The following PIP5K1B variants were observed in gnomAD, a reference collection of about 807,000 sequenced individuals.
The protein encoded by PIP5K1B is phosphatidylinositol-4-phosphate 5-kinase type 1 beta.
PIP5K1B carries 42 observed loss-of-function variants against 67.0 expected under a neutral mutation model. That is an observed-to-expected ratio of 0.63 (90% CI 0.49 to 0.81). The LOEUF (loss-of-function observed/expected upper bound fraction) is 0.81. Ranked by LOEUF, PIP5K1B falls within the 30% of genes least tolerant of loss-of-function variation. The probability of loss-of-function intolerance (pLI) is 0.00; values close to 1 mark genes in which losing one functional copy is unlikely to be tolerated. For missense variants in PIP5K1B, 459 were observed against 646.3 expected (o/e 0.71, Z 3.14); for synonymous variants, 214 against 231.4 (o/e 0.92, Z 0.68).
chr9:68,799,529 C>G (rs1306566133), intron 2 of PIP5K1B, among the ~76,000 whole-genome samples: 1 of 152,144 alleles, frequency 6.6e-6, no homozygotes, highest in Non-Finnish European at 1.5e-5. Context: ...GTATGGCACT[C>G]TCATAAAAAT....
chr9:68,826,185 A>C (rs549643257), intron 4 of PIP5K1B, among the ~76,000 whole-genome samples: 71 of 152,262 alleles, frequency 4.7e-4, no homozygotes, highest in Non-Finnish European at 9.3e-4. Context: ...CTGCCTGGCT[A>C]TATTTACAGA....
chr9:68,915,097 AGCACCCTATAT>A (rs753244831), intron 8 of PIP5K1B, among the ~76,000 whole-genome samples: 14 of 152,198 alleles, frequency 9.2e-5, no homozygotes, highest in Non-Finnish European at 1.5e-4. Flanking sequence ...AATTTTTACA[AGCACCCTATAT>A]GATATGTAAT....
chr9:68,781,919 T>C (rs1343403931), intron 2 of PIP5K1B: 1 of 167,038 alleles, frequency 6.0e-6, no homozygotes, highest in East Asian at 1.9e-4. Context: ...TGTTGAACTT[T>C]GGCGCACTCA....
intron 14 of PIP5K1B, among the ~76,000 whole-genome samples, chr9:68,960,581 C>T (rs183781398): frequency 6.6e-6 from 1 of 152,142 alleles, no homozygotes; most frequent in East Asian, 1.9e-4. Context: ...CTCTGTCTCC[C>T]ATCTGTTTGT....
chr9:68,856,659 T>C (rs1049458949), intron 4 of PIP5K1B, among the ~76,000 whole-genome samples: 1 of 152,228 alleles, frequency 6.6e-6, no homozygotes, highest in African/African-American at 2.4e-5. Flanking sequence ...CACGTCTCTT[T>C]TTCGGCTTAT....
chr9:68,910,163 G>C (rs1460627980), intron 8 of PIP5K1B, among the ~76,000 whole-genome samples: 1 of 152,174 alleles, frequency 6.6e-6, no homozygotes, highest in African/African-American at 2.4e-5. Context: ...AGTCTTACTA[G>C]ACTCAAAGCT....
intron 8 of PIP5K1B, among the ~76,000 whole-genome samples, chr9:68,897,953 C>T (rs1268487558): frequency 2.0e-5 from 3 of 152,140 alleles, no homozygotes; most frequent in Admixed American, 6.5e-5. Flanking sequence ...TCAGAGCTGC[C>T]GTTTCTGAGC....
At chr9:68,997,639 T>G (rs1206639178) in intron 15 of PIP5K1B, among the ~76,000 whole-genome samples, 1 of 152,192 alleles carries the variant, frequency 6.6e-6, no homozygotes, top group East Asian at 1.9e-4. Context: ...CCAGAAATGC[T>G]TGGCCCCTAA....
intron 4 of PIP5K1B, among the ~76,000 whole-genome samples, chr9:68,860,283 T>C (rs1281595008): frequency 6.6e-6 from 1 of 152,120 alleles, no homozygotes; most frequent in East Asian, 1.9e-4. Flanking sequence ...TTTTTAGTGA[T>C]ACCCAAATAT....
chr9:68,800,508 G>A (rs1832544579), intron 2 of PIP5K1B, among the ~76,000 whole-genome samples: 1 of 152,132 alleles, frequency 6.6e-6, no homozygotes, highest in Non-Finnish European at 1.5e-5. Context: ...GATGTAAGAA[G>A]GCCTTGAAGA....
intron 5 of PIP5K1B, among the ~76,000 whole-genome samples, chr9:68,875,547 T>C (rs1384169856): frequency 2.0e-5 from 3 of 152,150 alleles, no homozygotes; most frequent in Non-Finnish European, 4.4e-5. Flanking sequence ...GTGTCTGCTA[T>C]GTGCCAGGCA....
intron 1 of PIP5K1B, among the ~76,000 whole-genome samples, chr9:68,728,075 A>C (rs1008211527): frequency 1.3e-4 from 20 of 152,166 alleles, no homozygotes; most frequent in African/African-American, 4.8e-4. Flanking sequence ...GAATGATGGT[A>C]GTGGTGGTGG....
At chr9:68,982,644 C>T (rs981924944) in intron 14 of PIP5K1B, among the ~76,000 whole-genome samples, 1 of 151,972 alleles carries the variant, frequency 6.6e-6, no homozygotes, top group Non-Finnish European at 1.5e-5. Context: ...CACCTGTAGT[C>T]CCAGCTACTT....
At chr9:68,912,498 G>A (rs1182300250) in intron 8 of PIP5K1B, among the ~76,000 whole-genome samples, 1 of 152,142 alleles carries the variant, frequency 6.6e-6, no homozygotes, top group Non-Finnish European at 1.5e-5. Flanking sequence ...TGCAGGTGGA[G>A]GAATAACATG....
intron 7 of PIP5K1B, among the ~76,000 whole-genome samples, chr9:68,890,061 T>C (rs1219359864): frequency 6.6e-6 from 1 of 152,200 alleles, no homozygotes; most frequent in Non-Finnish European, 1.5e-5. Flanking sequence ...GCTGGAGAGC[T>C]GCAGAGCTGG....
At chr9:68,775,714 T>G (rs542651510) in intron 2 of PIP5K1B, among the ~76,000 whole-genome samples, 1 of 152,194 alleles carries the variant, frequency 6.6e-6, no homozygotes, top group Non-Finnish European at 1.5e-5. Flanking sequence ...ACCAAAACTG[T>G]GGGTAGGAGG....
At chr9:68,878,054 T>TGTGTGTGTGTGTG (rs57528951) in intron 6 of PIP5K1B, among the ~76,000 whole-genome samples, 1 of 147,966 alleles carries the variant, frequency 6.8e-6, no homozygotes, top group African/African-American at 2.5e-5. Context: ...TGTGTGTGTG[T>TGTGTGTGTGTGTG]TAGAGAACAC....
intron 8 of PIP5K1B, among the ~76,000 whole-genome samples, chr9:68,916,268 T>C (rs964641801): frequency 6.6e-5 from 10 of 152,192 alleles, no homozygotes; most frequent in African/African-American, 2.4e-4. Context: ...AAAAGAACTT[T>C]ATCATAGAGG....
intron 2 of PIP5K1B, among the ~76,000 whole-genome samples, chr9:68,745,952 T>G (rs1829278182): frequency 6.6e-6 from 1 of 152,220 alleles, no homozygotes; most frequent in African/African-American, 2.4e-5. Flanking sequence ...CATGTCTGTT[T>G]TATTCGGAAA....
Sources: allele counts gnomAD v4.1 joint callset (sites outside exome capture counted in the v4.1 genomes callset), GRCh38; gene constraint gnomAD v4.1.1; transcripts MANE v1.5; gene names NCBI Gene and HGNC (gene_info 2026-07-23, HGNC 2026-07-21).